The following EPS15 variants were observed in gnomAD, a reference collection of about 807,000 sequenced individuals.
EPS15 encodes the protein epidermal growth factor receptor substrate 15.
A neutral mutation model predicts 113.8 loss-of-function variants in EPS15; 72 were observed. That is an observed-to-expected ratio of 0.63 (90% confidence interval 0.52 to 0.77). EPS15 has a LOEUF of 0.77. Ranked by LOEUF, EPS15 falls within the 30% of genes least tolerant of loss-of-function variation. The pLI, the probability that EPS15 is intolerant of heterozygous loss-of-function variation, is 0.00. For missense variants in EPS15, 1,048 were observed against 1,045.8 expected, an observed-to-expected ratio of 1.00 and a Z score of -0.03; for synonymous variants, 344 against 363.4, an observed-to-expected ratio of 0.95 and a Z score of 0.61.
intron 24 of EPS15, among the ~76,000 whole-genome samples, chr1:51,358,026 C>G (rs907956763): frequency 6.6e-5 from 10 of 152,068 alleles, no homozygotes; most frequent in Non-Finnish European, 1.0e-4. Context: ...TTATAAAAAG[C>G]ATTTTGAGCC....
In EPS15 at chr1:51,383,530, C is replaced by CA. The variant is rs1301230280; in HGVS notation, c.2119+10850dup. Among the ~76,000 whole-genome samples, 3 of 152,178 alleles carry CA rather than the reference C, an allele frequency of 2.0e-5. 1 individual carries two copies. Among genetic ancestry groups the CA allele is most frequent in the African/African-American group, 7.2e-5 (3 of 41,452 alleles). On this transcript the variant is annotated intron_variant, in intron 21 of 24. Coordinates refer to ENST00000371733, the MANE Select transcript of EPS15 (RefSeq NM_001981.3). ...TAAGGAGTGCACAACCTAGATCCCT[C>CA]ACATGTGCAGTTCACAATAAGGTTC...
Position 51,354,528 on chromosome 1 carries a change from A to G in EPS15, c.*2172T>C, listed in dbSNP as rs1646175767. The G allele has an allele frequency of 5.5e-6, 1 of 183,274 alleles. No homozygotes were observed. The highest frequency in any genetic ancestry group is 6.2e-5 in the Admixed American group (1 of 16,010). 11.4% of individuals were successfully genotyped at this position (183,274 alleles called of 1,614,324 possible). The stretch of plus-strand genomic sequence containing the variant: ...TTCTATAAAGAGAGCTCAAATAAAC[A>G]TGAATCAGTATGTAGAAGACATTTA... On this transcript the variant is annotated 3_prime_UTR_variant, in exon 25 of 25. Coordinates refer to ENST00000371733, the MANE Select transcript of EPS15 (RefSeq NM_001981.3).
At chr1:51,358,699 G>GTTTTT (rs1181151202) in intron 24 of EPS15, among the ~76,000 whole-genome samples, 13 of 129,332 alleles carry the variant, frequency 1.0e-4, no homozygotes, top group African/African-American at 3.8e-4. Flanking sequence ...AACCAGATTT[G>GTTTTT]TTTTTTTTTG....
intron 11 of EPS15, among the ~76,000 whole-genome samples, chr1:51,440,721 T>C (rs935779437): frequency 6.6e-6 from 1 of 152,048 alleles, no homozygotes; most frequent in Non-Finnish European, 1.5e-5. Flanking sequence ...TCCTAGCCTG[T>C]TCAGAACCTT....
At chr1:51,412,278 T>C (rs1399916424) in intron 13 of EPS15, among the ~76,000 whole-genome samples, 4 of 152,124 alleles carry the variant, frequency 2.6e-5, no homozygotes, top group Non-Finnish European at 5.9e-5. Context: ...AAAACCTAGA[T>C]GATGGGTTGA....
chr1:51,368,078 G>T (rs535354899), intron 21 of EPS15, among the ~76,000 whole-genome samples: 1 of 152,306 alleles, frequency 6.6e-6, no homozygotes, highest in East Asian at 1.9e-4. Context: ...GCTGCAGTAA[G>T]CTGAGATTGC....
At chr1:51,409,008 G>A (rs1462323770) in intron 14 of EPS15, among the ~76,000 whole-genome samples, 9 of 151,914 alleles carry the variant, frequency 5.9e-5, no homozygotes, top group Admixed American at 2.6e-4. Flanking sequence ...CCGTGGTCTC[G>A]ATCTCCTGAC....
chr1:51,480,911 T>A (rs1352436409), intron 2 of EPS15, among the ~76,000 whole-genome samples: 1 of 152,226 alleles, frequency 6.6e-6, no homozygotes, highest in Non-Finnish European at 1.5e-5. Context: ...ATTATGTATT[T>A]GTATAAAAGT....
chr1:51,358,707 T>G lies in EPS15; in HGVS notation c.2545-1861A>C, dbSNP rs1052936717. Among the ~76,000 whole-genome samples, 3 of 142,466 alleles carry G rather than the reference T, an allele frequency of 2.1e-5. No individual in the cohort carries two copies. In the East Asian group the frequency reaches 5.8e-4, roughly 28 times the overall value. 93.5% of individuals were successfully genotyped at this position (142,466 alleles called of 152,430 possible). ...TCCTTCCAACCAGATTTGTTTTTTT[T>G]TGTTTTTTTTTTTTTTTTTGAGGCG... On this transcript the variant is annotated intron_variant, in intron 24 of 24. Transcript: ENST00000371733.
intron 21 of EPS15, among the ~76,000 whole-genome samples, chr1:51,384,659 C>T (rs536586345): frequency 6.6e-6 from 1 of 152,118 alleles, no homozygotes; most frequent in South Asian, 2.1e-4. Flanking sequence ...TAAAAAGGAA[C>T]AACAAAGTTG....
At chr1:51,505,871 A>AATTTATTTATTTATTT (rs376469892) in intron 1 of EPS15, among the ~76,000 whole-genome samples, 24 of 151,260 alleles carry the variant, frequency 1.6e-4, no homozygotes, top group Non-Finnish European at 2.4e-4. Flanking sequence ...GGCTCACTAC[A>AATTTATTTATTTATTT]ATTTATTTAT....
chr1:51,491,920 G>A (rs968207239), intron 1 of EPS15, among the ~76,000 whole-genome samples: 1 of 146,964 alleles, frequency 6.8e-6, no homozygotes, highest in Non-Finnish European at 1.5e-5. Flanking sequence ...AGGCTGGAGT[G>A]CAGTGGCACA....
Position 51,356,682 on chromosome 1 carries a change from A to G in EPS15, c.*18T>C. The G allele has an allele frequency of 6.2e-7, 1 of 1,610,648 alleles. No homozygotes were observed. The highest frequency in any genetic ancestry group is 2.2e-5 in the East Asian group (1 of 44,818). On this transcript the variant is annotated 3_prime_UTR_variant, in exon 25 of 25. Coordinates refer to ENST00000371733, the MANE Select transcript of EPS15 (RefSeq NM_001981.3). ...GGAAGAAGAATACTATATTGTTGCC[A>G]AAGAACAAGAGAATTCTTCATGCTT... is the stretch of plus-strand genomic sequence containing the variant.
intron 13 of EPS15, among the ~76,000 whole-genome samples, chr1:51,413,412 C>CT (rs1353950689): frequency 6.6e-6 from 1 of 152,164 alleles, no homozygotes; most frequent in African/African-American, 2.4e-5. Flanking sequence ...TGTACAATGC[C>CT]TAGCACATTC....
chr1:51,494,285 C>T (rs1644291033), intron 1 of EPS15, among the ~76,000 whole-genome samples: 1 of 152,220 alleles, frequency 6.6e-6, no homozygotes, highest in South Asian at 2.1e-4. Flanking sequence ...CCAACCACAA[C>T]CTCTTCTTCC....
In EPS15 at chr1:51,409,655, T is replaced by C; in HGVS notation, c.1155A>G (p.Gln385=). 6.2e-7 allele frequency: 1 copy of C among 1,613,408 alleles called. No homozygotes were observed. The highest frequency in any genetic ancestry group is 1.7e-5 in the Admixed American group (1 of 59,846). The stretch of plus-strand genomic sequence containing the variant: ...CCTGCTGTTTCTGGGCCTGTAGTTT[T>C]TGCAGATTAGTATTCTCCCTTTGAA... The part of the protein sequence containing the change: ...DEVQRENTNL[Q]KLQAQKQQVQ... The change falls in exon 14 of 25, where the codon CAA becomes CAG. Residue 385 remains glutamine (Q), a synonymous_variant. Coordinates refer to ENST00000371733, the MANE Select transcript of EPS15 (RefSeq NM_001981.3).
chr1:51,509,240 T>C (rs1441105413), intron 1 of EPS15, among the ~76,000 whole-genome samples: 2 of 148,040 alleles, frequency 1.4e-5, no homozygotes, highest in East Asian at 3.8e-4. Context: ...CTTTAATGCA[T>C]ATAATTTCAT....
chr1:51,376,799 C>T (rs1646810858), intron 21 of EPS15, among the ~76,000 whole-genome samples: 1 of 152,204 alleles, frequency 6.6e-6, no homozygotes, highest in African/African-American at 2.4e-5. Flanking sequence ...TTCTTGCAGC[C>T]AGGCAGTAAT....
intron 12 of EPS15, among the ~76,000 whole-genome samples, chr1:51,427,708 G>A (rs1012537196): frequency 6.6e-6 from 1 of 152,164 alleles, no homozygotes; most frequent in Non-Finnish European, 1.5e-5. Flanking sequence ...GTGTGATGGA[G>A]GTGAGAGACT....
Sources: gnomAD v4.1 joint callset for allele counts (sites outside exome capture counted in the v4.1 genomes callset) on GRCh38, gnomAD v4.1.1 for gene constraint, MANE v1.5 for transcripts, NCBI Gene and HGNC (gene_info 2026-07-23, HGNC 2026-07-21) for gene names.